Variants in DNAH11 observed in about 807,000 individuals in gnomAD.
DNAH11 encodes the protein axonemal beta dynein heavy chain 11.
A neutral mutation model predicts 526.0 loss-of-function variants in DNAH11; 442 were observed. That is an observed-to-expected ratio of 0.84 (90% CI 0.78 to 0.91). The LOEUF is 0.91. DNAH11 is among the 40% of genes least tolerant of loss of function. The pLI is 0.00. For synonymous variants in DNAH11, 2,461 were observed against 1,935.9 expected, an observed-to-expected ratio of 1.27 and a Z score of -7.12; for missense variants, 6,989 against 5,448.7, an observed-to-expected ratio of 1.28 and a Z score of -8.90.
intron 65 of DNAH11, among the ~76,000 whole-genome samples, chr7:21,837,941 C>T (rs1782055904): frequency 6.6e-6 from 1 of 152,040 alleles, no homozygotes; most frequent in Non-Finnish European, 1.5e-5. Flanking sequence ...TCTCATGGGG[C>T]CCCATAAATA....
intron 55 of DNAH11, among the ~76,000 whole-genome samples, chr7:21,769,290 G>C (rs961526333): frequency 6.6e-6 from 1 of 152,132 alleles, no homozygotes; most frequent in African/African-American, 2.4e-5. Flanking sequence ...AGACTTTGTA[G>C]CTGCCCAGGA....
intron 49 of DNAH11, among the ~76,000 whole-genome samples, chr7:21,742,617 T>G (rs1785957026): frequency 6.6e-6 from 1 of 152,150 alleles, no homozygotes; most frequent in South Asian, 2.1e-4. Flanking sequence ...AACCTGAGAT[T>G]TGGAGGGGGC....
In DNAH11 at chr7:21,873,441, T is replaced by C. The variant is rs2128038712; in HGVS notation, c.12135T>C (p.Thr4045=). Residue 4045 remains threonine (T), a synonymous_variant, in exon 74 of 82, where the codon ACT becomes ACC. Transcript: ENST00000409508. ...QGLLENSIKI[T]NEPPTGMLAN... The stretch of plus-strand genomic sequence containing the variant: ...TCCTGGAAAATTCCATTAAGATCAC[T>C]AATGAACCCCCAACAGGGATGCTGG... 1 of 1,613,990 alleles carries C rather than the reference T, an allele frequency of 6.2e-7. No homozygotes were observed. Among genetic ancestry groups the C allele is most frequent in the Non-Finnish European group, 8.5e-7 (1 of 1,179,876 alleles).
intron 20 of DNAH11, 42 bp from the exon 21 acceptor site, chr7:21,615,072 T>G (rs770453175): frequency 5.8e-6 from 9 of 1,555,240 alleles, no homozygotes; most frequent in Non-Finnish European, 7.8e-6. Context: ...GTCTTCTCTT[T>G]CTCTGGCAGT....
Position 21,748,569 on chromosome 7 carries a change from C to T in DNAH11, c.8511-11C>T. 6.7e-7 allele frequency: 1 copy of T among 1,494,874 alleles called. No individual in the cohort carries two copies. The highest frequency in any genetic ancestry group is 1.4e-5 in the South Asian group (1 of 69,966). 92.6% of individuals were successfully genotyped at this position (1,494,874 alleles called of 1,614,324 possible). A position where few individuals can be genotyped will look rare whatever the true frequency, so the allele number is the denominator to read the frequency against. On this transcript the variant is annotated splice_polypyrimidine_tract_variant and intron_variant, in intron 51 of 81. Transcript: ENST00000409508. ...CGATTTTGTGCCATAATGGGCGCTT[C>T]CTTTCCTCAGGTGTCGCATCAGCCG... is the stretch of plus-strand genomic sequence containing the variant.
At position 21,868,925 on chromosome 7, in the gene DNAH11, T is replaced by C; in HGVS notation, c.11901T>C (p.Gly3967=). 6.2e-7 allele frequency: 1 copy of C among 1,613,964 alleles called. No individual in the cohort carries two copies. Among genetic ancestry groups the C allele is most frequent in the South Asian group, 1.1e-5 (1 of 91,088 alleles). ...GKFHNVSLGQ[G]QETVAEVALE... is the part of the protein sequence containing the mutation. The stretch of plus-strand genomic sequence containing the variant: ...TCCACAATGTGTCTTTAGGACAAGG[T>C]CAGGAGACGGTGGCAGAAGTGGCCC... The change falls in exon 73 of 82, where the codon GGT becomes GGC. Residue 3967 remains glycine, a synonymous_variant. Coordinates refer to ENST00000409508, the MANE Select transcript of DNAH11 (RefSeq NM_001277115.2).
intron 57 of DNAH11, among the ~76,000 whole-genome samples, chr7:21,783,695 T>C (rs1788052100): frequency 6.9e-6 from 1 of 144,654 alleles, no homozygotes; most frequent in African/African-American, 2.5e-5. Context: ...CCAGCATGAC[T>C]TTCCTCTATA....
chr7:21,558,772 ATTAAT>A (rs1244197001), intron 2 of DNAH11, 25 bp from the exon 3 acceptor site: 6 of 1,512,702 alleles, frequency 4.0e-6, no homozygotes, highest in African/African-American at 2.8e-5. Context: ...TTGTCTGTAA[ATTAAT>A]TTAACTATGT....
chr7:21,739,505 C>A, intron 47 of DNAH11, 66 bp from the exon 48 acceptor site: 2 of 1,200,636 alleles, frequency 1.7e-6, no homozygotes, highest in Non-Finnish European at 2.4e-6. Context: ...CCTTTATGAA[C>A]TGTTAGATTT....
intron 65 of DNAH11, among the ~76,000 whole-genome samples, chr7:21,835,691 A>G (rs1299929516): frequency 6.6e-6 from 1 of 152,154 alleles, no homozygotes; most frequent in Non-Finnish European, 1.5e-5. Flanking sequence ...TTTCCTGTAA[A>G]ATCTGAAACA....
intron 73 of DNAH11, among the ~76,000 whole-genome samples, chr7:21,869,905 G>C (rs1273604646): frequency 6.6e-6 from 1 of 152,192 alleles, no homozygotes; most frequent in Non-Finnish European, 1.5e-5. Context: ...GTGGAGCACA[G>C]GCCAGCATTA....
chr7:21,709,403 T>C (rs1370916023), intron 40 of DNAH11, among the ~76,000 whole-genome samples: 2 of 152,110 alleles, frequency 1.3e-5, no homozygotes, highest in Non-Finnish European at 2.9e-5. Context: ...ATGGGAGCCA[T>C]TGACACTGAG....
chr7:21,693,076 C>G (rs959801101), intron 35 of DNAH11, among the ~76,000 whole-genome samples: 10 of 152,078 alleles, frequency 6.6e-5, no homozygotes, highest in African/African-American at 2.4e-4. Context: ...TTTTGTCCAT[C>G]AAAGATAGAA....
chr7:21,739,781 A>C, intron 48 of DNAH11, 108 bp downstream of exon 48: 1 of 803,822 alleles, frequency 1.2e-6, no homozygotes, highest in Non-Finnish European at 2.0e-6. Flanking sequence ...TTCTCATGGC[A>C]GCTGTACTAT....
chr7:21,681,847 T>G (rs1267136924), intron 31 of DNAH11, 170 bp downstream of exon 31: 1 of 858,302 alleles, frequency 1.2e-6, no homozygotes, highest in African/African-American at 1.7e-5. Flanking sequence ...AGCCAATATA[T>G]TATTCTGATG....
rs972368033 is a variant in DNAH11, at chr7:21,852,559, C to G, written c.10989C>G (p.Ser3663Arg). 9 of 1,612,598 alleles carry G rather than the reference C, an allele frequency of 5.6e-6. No individual in the cohort carries two copies. Among genetic ancestry groups the G allele is most frequent in the East Asian group, 2.2e-5 (1 of 44,880 alleles). Residue 3663 changes from serine (S) to arginine (R), a missense_variant, in exon 67 of 82, where the codon AGC becomes AGG. Coordinates refer to ENST00000409508, the MANE Select transcript of DNAH11 (RefSeq NM_001277115.2). ...LLLRLSAAEG[S>R]FLDDTKLVER... ...TGCGCCTTTCTGCGGCAGAGGGAAGCTTTCTGGATGACACCAAACTGGTAG... is the reference window on the plus strand; with the variant it reads ...TGCGCCTTTCTGCGGCAGAGGGAAGGTTTCTGGATGACACCAAACTGGTAG...
chr7:21,667,509 A>AC (rs1294849626), intron 30 of DNAH11, among the ~76,000 whole-genome samples: 1 of 152,180 alleles, frequency 6.6e-6, no homozygotes, highest in African/African-American at 2.4e-5. Flanking sequence ...CCTATAGTTT[A>AC]CCACCTCTGC....
At chr7:21,761,144 A>G (rs1306734152) in intron 54 of DNAH11, among the ~76,000 whole-genome samples, 1 of 152,160 alleles carries the variant, frequency 6.6e-6, no homozygotes, top group African/African-American at 2.4e-5. Flanking sequence ...TCCAGACATT[A>G]CCATGGGTTT....
chr7:21,884,991 T>G (rs764208893), intron 76 of DNAH11, among the ~76,000 whole-genome samples: 1 of 151,916 alleles, frequency 6.6e-6, no homozygotes, highest in Non-Finnish European at 1.5e-5. Context: ...TTAGCCTGAT[T>G]TAACCATTCC....
Sources: allele counts gnomAD v4.1 joint callset (sites outside exome capture counted in the v4.1 genomes callset), GRCh38; gene constraint gnomAD v4.1.1; transcripts MANE v1.5; gene names NCBI Gene and HGNC (gene_info 2026-07-23, HGNC 2026-07-21).